WDR93: variants seen among roughly 807,000 people sequenced by gnomAD.
The protein encoded by WDR93 is WD repeat-containing protein 93.
WDR93 carries 73 observed loss-of-function variants against 82.9 expected under a neutral mutation model. The ratio of observed to expected loss-of-function variants is 0.88; its 90% confidence interval spans 0.73 to 1.07. WDR93 has a LOEUF of 1.07. Among genes scored for constraint, WDR93 ranks in the 50% least tolerant of loss-of-function variants. WDR93 has a pLI of 0.00. For missense variants in WDR93, 738 were observed against 826.0 expected (o/e 0.89, Z 1.31); for synonymous variants, 283 against 300.1 (o/e 0.94, Z 0.59).
At chr15:89,737,140 G>A (rs926766080) in intron 14 of WDR93, among the ~76,000 whole-genome samples, 7 of 152,160 alleles carry the variant, frequency 4.6e-5, no homozygotes, top group Non-Finnish European at 7.3e-5. Flanking sequence ...CACTGCAGAG[G>A]AAAGAGCCCA....
chr15:89,737,067 A>T (rs1048292774), intron 14 of WDR93, among the ~76,000 whole-genome samples: 1 of 152,230 alleles, frequency 6.6e-6, no homozygotes, highest in Non-Finnish European at 1.5e-5. Flanking sequence ...CTGGGATTAC[A>T]GGCATGAGCC....
chr15:89,735,576 T>C (rs1404303027), intron 14 of WDR93, 23 bp downstream of exon 14: 2 of 1,608,076 alleles, frequency 1.2e-6, no homozygotes, highest in East Asian at 4.5e-5. Flanking sequence ...TGCCTCTCTG[T>C]AAATGCCCCA....
In WDR93 at chr15:89,729,785, G is replaced by C. The variant is rs772497907; in HGVS notation, c.1210+16G>C. 2.5e-6 allele frequency: 4 copies of C among 1,605,820 alleles called. No individual in the cohort carries two copies. In the African/African-American group the frequency reaches 5.4e-5, roughly 22 times the overall value. On this transcript the variant is annotated intron_variant, in intron 11 of 16. Coordinates refer to ENST00000268130, the MANE Select transcript of WDR93 (RefSeq NM_020212.2). ...GATAAAGCTGGTACTTTACTGCTGA[G>C]ATGGGAGTCGCCTAAGCTCAGGACT...
chr15:89,690,673 C>A (rs751159836), upstream of WDR93: 24 of 1,488,608 alleles, frequency 1.6e-5, no homozygotes, highest in South Asian at 2.7e-4. Flanking sequence ...GGGGCTCAGG[C>A]GTGGGTCCTC....
chr15:89,694,248 C>CTT (rs907842374), intron 1 of WDR93, among the ~76,000 whole-genome samples: 98 of 125,152 alleles, frequency 7.8e-4, no homozygotes, highest in African/African-American at 9.6e-4. Flanking sequence ...TGGGTTATTT[C>CTT]TTTTTTTTTT....
chr15:89,718,135 A>AT (rs943785043), intron 7 of WDR93, among the ~76,000 whole-genome samples: 6 of 152,018 alleles, frequency 3.9e-5, no homozygotes, highest in Non-Finnish European at 7.4e-5. Context: ...GAGCTCAGGA[A>AT]TTTGAGACCA....
chr15:89,710,544 A>T (rs1379584029), intron 4 of WDR93, among the ~76,000 whole-genome samples: 2 of 152,156 alleles, frequency 1.3e-5, no homozygotes, highest in Non-Finnish European at 2.9e-5. Context: ...TCATCAAGTT[A>T]TGCATTTAAT....
chr15:89,698,165 T>C (rs1485107131), intron 1 of WDR93, among the ~76,000 whole-genome samples: 5 of 152,278 alleles, frequency 3.3e-5, no homozygotes, highest in African/African-American at 1.2e-4. Flanking sequence ...ATTATAGGCA[T>C]GAACCACTGC....
chr15:89,720,375 C>T (rs1332541294), intron 7 of WDR93, among the ~76,000 whole-genome samples: 3 of 151,762 alleles, frequency 2.0e-5, no homozygotes, highest in Non-Finnish European at 4.4e-5. Context: ...CGGGTTCAAG[C>T]AATTCTCCTG....
At chr15:89,705,761 A>G in intron 4 of WDR93, 143 bp downstream of exon 4, 1 of 656,514 alleles carries the variant, frequency 1.5e-6, no homozygotes. Flanking sequence ...CAAAATATCC[A>G]TTTAAAAGAT....
At chr15:89,732,789 C>T (rs1966878939) in intron 12 of WDR93, among the ~76,000 whole-genome samples, 2 of 152,140 alleles carry the variant, frequency 1.3e-5, no homozygotes, top group Admixed American at 1.3e-4. Context: ...TCTCCCCCTC[C>T]CCAATTCCTC....
chr15:89,706,013 T>G (rs1019319830), intron 4 of WDR93, among the ~76,000 whole-genome samples: 1 of 152,122 alleles, frequency 6.6e-6, no homozygotes, highest in African/African-American at 2.4e-5. Flanking sequence ...CTACCAAAAT[T>G]TCCCCCATTC....
intron 11 of WDR93, among the ~76,000 whole-genome samples, chr15:89,730,182 G>A (rs560969921): frequency 3.9e-5 from 6 of 152,194 alleles, no homozygotes; most frequent in South Asian, 2.1e-4. Flanking sequence ...AAAATTAGCC[G>A]GATATGGTGG....
At position 89,690,852 on chromosome 15, in the gene WDR93, G is replaced by A; in HGVS notation, c.-46G>A. On this transcript the variant is annotated 5_prime_UTR_variant, in exon 1 of 17. Coordinates refer to ENST00000268130, the MANE Select transcript of WDR93 (RefSeq NM_020212.2). Reference sequence around the variant, plus strand: ...TTACCAAGGCGACGCAACGCCGCCCGGCCAGGTGAGCAAAACTGATCTTAC... The same window carrying A: ...TTACCAAGGCGACGCAACGCCGCCCAGCCAGGTGAGCAAAACTGATCTTAC... The A allele has an allele frequency of 7.3e-6, 4 of 546,718 alleles. No individual in the cohort carries two copies. The highest frequency in any genetic ancestry group is 6.5e-5 in the South Asian group (3 of 46,490). The allele number at this position is 546,718 out of a possible 1,614,324, so 33.9% of individuals were successfully genotyped here.
chr15:89,716,864 AC>A (rs1966273993), intron 6 of WDR93, 46 bp from the exon 7 acceptor site: 1 of 1,347,836 alleles, frequency 7.4e-7, no homozygotes. Context: ...GGGGTGGTAA[AC>A]ATACATCAAA....
chr15:89,740,034 A>T (rs1967530181), intron 16 of WDR93, among the ~76,000 whole-genome samples: 1 of 152,160 alleles, frequency 6.6e-6, no homozygotes. Context: ...CAAAAAACAC[A>T]TATTGTGCAC....
chr15:89,718,558 T>TA (rs1476866050), intron 7 of WDR93, among the ~76,000 whole-genome samples: 1 of 151,508 alleles, frequency 6.6e-6, no homozygotes, highest in East Asian at 1.9e-4. Flanking sequence ...AGCCCTGGAG[T>TA]GGAGGCTGCA....
At chr15:89,714,956 T>C in intron 5 of WDR93, 24 bp from the exon 6 acceptor site, 2 of 1,597,234 alleles carry the variant, frequency 1.3e-6, no homozygotes, top group Middle Eastern at 3.3e-4. Flanking sequence ...AGTTGCTCAA[T>C]GGTTCTCTGG....
At chr15:89,705,464 T>C in intron 3 of WDR93, 90 bp from the exon 4 acceptor site, 1 of 804,580 alleles carries the variant, frequency 1.2e-6, no homozygotes, top group East Asian at 2.5e-5. Context: ...GAGCTCATGA[T>C]GGTAAGTTCA....
Sources: allele counts gnomAD v4.1 joint callset (sites outside exome capture counted in the v4.1 genomes callset), GRCh38; gene constraint gnomAD v4.1.1; transcripts MANE v1.5; gene names NCBI Gene and HGNC (gene_info 2026-07-23, HGNC 2026-07-21).